STX11: variants seen among roughly 807,000 people sequenced by gnomAD.
STX11 encodes the protein syntaxin-11.
A neutral mutation model predicts 19.9 loss-of-function variants in STX11; 21 were observed. The observed-to-expected ratio is 1.06, with a 90% CI of 0.75 to 1.52. The LOEUF is 1.52. Among genes scored for constraint, STX11 ranks in the 40% most tolerant of loss-of-function variants. The pLI, the probability that STX11 is intolerant of heterozygous loss-of-function variation, is 0.00. For missense variants in STX11, 438 were observed against 405.9 expected (o/e 1.08, Z -0.68); for synonymous variants, 193 against 174.4 (o/e 1.11, Z -0.84).
rs17073503 is a variant in STX11, at chr6:144,188,373, T to C, written c.*882T>C. 24,815 of 228,860 alleles carry C rather than the reference T, an allele frequency of 0.11. 2,329 individuals carry two copies. Among genetic ancestry groups the C allele is most frequent in the East Asian group, 0.28 (3,892 of 13,856 alleles). 14.2% of individuals were successfully genotyped at this position (228,860 alleles called of 1,614,324 possible). A position where few individuals can be genotyped will look rare whatever the true frequency, so the allele number is the denominator to read the frequency against. On this transcript the variant is annotated 3_prime_UTR_variant, in exon 2 of 2. Coordinates refer to ENST00000367568, the MANE Select transcript of STX11 (RefSeq NM_003764.4). The stretch of plus-strand genomic sequence containing the variant: ...ATATAAATTTCAAGACGAACACTTT[T>C]CTGGCTCTTGGTATTGGTTTGCTTG...
At chr6:144,158,304 G>T (rs1486051032) in intron 1 of STX11, among the ~76,000 whole-genome samples, 2 of 152,198 alleles carry the variant, frequency 1.3e-5, no homozygotes, top group Admixed American at 6.5e-5. Flanking sequence ...TCTTGATGTG[G>T]CCAACAGACA....
chr6:144,182,546 G>A lies in STX11; in HGVS notation c.-5-4077G>A, dbSNP rs1024507988. Reference sequence around the variant, plus strand: ...ACCTGATTTATAATTTGCTATCTATGACTTTATGGTTGTTCAATCTTGAGA... The same window carrying A: ...ACCTGATTTATAATTTGCTATCTATAACTTTATGGTTGTTCAATCTTGAGA... On this transcript the variant is annotated intron_variant, in intron 1 of 1. Coordinates refer to ENST00000367568, the MANE Select transcript of STX11 (RefSeq NM_003764.4). The surrounding 1 kb of genome is among the most constrained non-coding windows in gnomAD (Gnocchi z 4.8). Among the ~76,000 whole-genome samples the A allele has an allele frequency of 2.0e-5, 3 of 152,174 alleles. No individual in the cohort carries two copies. Among genetic ancestry groups the A allele is most frequent in the Non-Finnish European group, 2.9e-5 (2 of 68,036 alleles).
At chr6:144,166,418 C>G (rs532224849) in intron 1 of STX11, among the ~76,000 whole-genome samples, 8 of 152,028 alleles carry the variant, frequency 5.3e-5, no homozygotes, top group Admixed American at 3.3e-4. Context: ...CCTTGAGGTT[C>G]TTAAACATGA....
chr6:144,174,568 C>T lies in STX11; in HGVS notation c.-5-12055C>T, dbSNP rs1801729798. ...TGTTTTTGTAGAGCTGGATTTTGCC[C>T]TGTTACCCAGGCTGGTCTTGAACTC... On this transcript the variant is annotated intron_variant, in intron 1 of 1. Transcript: ENST00000367568. This position sits in a 1 kb window ranked among gnomAD's most constrained non-coding sequence, Gnocchi z 5.3. Among the ~76,000 whole-genome samples the T allele has an allele frequency of 6.6e-6, 1 of 151,960 alleles. No individual in the cohort carries two copies. Among genetic ancestry groups the T allele is most frequent in the South Asian group, 2.1e-4 (1 of 4,820 alleles).
chr6:144,160,668 C>T lies in STX11; in HGVS notation c.-6+9965C>T, dbSNP rs1470043040. ...TGCAGGGAGGGAGGGATTAATTCACCATAAAGCAGCACTTACTAGATGTAG... is the reference window on the plus strand; with the variant it reads ...TGCAGGGAGGGAGGGATTAATTCACTATAAAGCAGCACTTACTAGATGTAG... On this transcript the variant is annotated intron_variant, in intron 1 of 1. Coordinates refer to ENST00000367568, the MANE Select transcript of STX11 (RefSeq NM_003764.4). This position sits in a 1 kb window ranked among gnomAD's most constrained non-coding sequence, Gnocchi z 4.3. 6.6e-6 allele frequency among the ~76,000 whole-genome samples: 1 copy of T among 152,064 alleles called. No individual in the cohort carries two copies. Among genetic ancestry groups the T allele is most frequent in the African/African-American group, 2.4e-5 (1 of 41,402 alleles).
chr6:144,157,195 A>T (rs562022964), intron 1 of STX11, among the ~76,000 whole-genome samples: 1 of 152,322 alleles, frequency 6.6e-6, no homozygotes, highest in African/African-American at 2.4e-5. Flanking sequence ...GGGATTGCAC[A>T]GGGGGAGAGA....
At chr6:144,147,893 G>T (rs115055477), upstream of STX11, among the ~76,000 whole-genome samples, 1,600 of 152,192 alleles carry the variant, frequency 0.011, 38 homozygotes, top group African/African-American at 0.036. The surrounding 1 kb of genome is among the most constrained non-coding windows in gnomAD (Gnocchi z 4.2). Flanking sequence ...GCAACAGAGT[G>T]AGCTGCTGTC....
At chr6:144,149,806 T>C (rs776237930), upstream of STX11, among the ~76,000 whole-genome samples, 5 of 152,170 alleles carry the variant, frequency 3.3e-5, no homozygotes, top group East Asian at 1.9e-4. The surrounding 1 kb of genome is among the most constrained non-coding windows in gnomAD (Gnocchi z 5.1). Context: ...ATCACTTCCT[T>C]ACTTTTCAGC....
In STX11 at chr6:144,189,237, G is replaced by A. The variant is rs150644837; in HGVS notation, c.*1746G>A. On this transcript the variant is annotated 3_prime_UTR_variant, in exon 2 of 2. Transcript: ENST00000367568. Reference sequence around the variant, plus strand: ...AGGGTTTGCCATGTGGCCCAGGCTGGTCTCAAACTTGTGAGCTTGAGCAAT... The same window carrying A: ...AGGGTTTGCCATGTGGCCCAGGCTGATCTCAAACTTGTGAGCTTGAGCAAT... Among the ~76,000 whole-genome samples, 4 of 152,100 alleles carry A rather than the reference G, an allele frequency of 2.6e-5. No homozygotes were observed. The highest frequency in any genetic ancestry group is 4.4e-5 in the Non-Finnish European group (3 of 68,022).
At chr6:144,179,060 C>T (rs905070828) in intron 1 of STX11, among the ~76,000 whole-genome samples, 1 of 152,048 alleles carries the variant, frequency 6.6e-6, no homozygotes, top group African/African-American at 2.4e-5. Flanking sequence ...GGAGAACTTA[C>T]AATCATGGTG....
At chr6:144,149,785 C>G (rs1454799718), upstream of STX11, among the ~76,000 whole-genome samples, 2 of 152,186 alleles carry the variant, frequency 1.3e-5, no homozygotes, top group Non-Finnish European at 2.9e-5. The surrounding 1 kb of genome is among the most constrained non-coding windows in gnomAD (Gnocchi z 5.1). Context: ...CCGATTTTTC[C>G]TTTTTTGAGT....
In STX11 at chr6:144,153,264, G is replaced by A. The variant is rs561226071; in HGVS notation, c.-6+2561G>A. On this transcript the variant is annotated intron_variant, in intron 1 of 1. Coordinates refer to ENST00000367568, the MANE Select transcript of STX11 (RefSeq NM_003764.4). This position sits in a 1 kb window ranked among gnomAD's most constrained non-coding sequence, Gnocchi z 5.0. Reference sequence around the variant, plus strand: ...CTTTTTCTATGAGAAAGAAAGGGTCGAGTTTGTCATTCAGCATTGTACTCC... The same window carrying A: ...CTTTTTCTATGAGAAAGAAAGGGTCAAGTTTGTCATTCAGCATTGTACTCC... Among the ~76,000 whole-genome samples the A allele has an allele frequency of 1.3e-5, 2 of 152,264 alleles. No homozygotes were observed. The highest frequency in any genetic ancestry group is 2.1e-4 in the South Asian group (1 of 4,820).
chr6:144,179,024 A>G (rs1470269969), intron 1 of STX11, among the ~76,000 whole-genome samples: 2 of 152,344 alleles, frequency 1.3e-5, no homozygotes, highest in African/African-American at 4.8e-5. Context: ...AAGAGGTTTA[A>G]TGGACTTACA....
Position 144,191,032 on chromosome 6 carries a change from A to G in STX11, c.*3541A>G, listed in dbSNP as rs1011827207. On this transcript the variant is annotated 3_prime_UTR_variant, in exon 2 of 2. Coordinates refer to ENST00000367568, the MANE Select transcript of STX11 (RefSeq NM_003764.4). ...CTTTGGCCAAGAAGACCTTGTGGCA[A>G]TTCTGCAAATTTTATACACTCATAT... Among the ~76,000 whole-genome samples the G allele has an allele frequency of 3.9e-5, 6 of 152,100 alleles. No individual in the cohort carries two copies. The highest frequency in any genetic ancestry group is 2.1e-4 in the South Asian group (1 of 4,816).
chr6:144,150,433 G>C (rs1408515794), upstream of STX11: 16 of 944,454 alleles, frequency 1.7e-5, no homozygotes, highest in Non-Finnish European at 1.9e-5. Context: ...CTGCCGCCGC[G>C]CCCCAGCGCT....
At chr6:144,163,506 C>T (rs1562659291) in intron 1 of STX11, among the ~76,000 whole-genome samples, 2 of 151,886 alleles carry the variant, frequency 1.3e-5, no homozygotes, top group African/African-American at 4.8e-5. Flanking sequence ...GAGACAGAGT[C>T]TTACTCTGTC....
rs765607265 is a variant in STX11 at position 144,187,384 on chromosome 6, G to A, written c.757G>A (p.Val253Ile). ...NVIELNVQKT[V>I]DYTGQAKAQV... ...CATCGAGCTCAACGTACAAAAGACG[G>A]TCGACTACACCGGCCAGGCCAAGGC... Residue 253 changes from valine to isoleucine, a missense_variant, in exon 2 of 2, where the codon GTC becomes ATC. Physicochemically the swap from Val to Ile is conservative, Grantham distance 29. Coordinates refer to ENST00000367568, the MANE Select transcript of STX11 (RefSeq NM_003764.4). This position sits in a 1 kb window ranked among gnomAD's most constrained non-coding sequence, Gnocchi z 5.6. 1.2e-6 allele frequency: 2 copies of A among 1,610,762 alleles called. No individual in the cohort carries two copies. Among genetic ancestry groups the A allele is most frequent in the Non-Finnish European group, 8.5e-7 (1 of 1,179,974 alleles).
chr6:144,147,877 G>C (rs1800904872), upstream of STX11, among the ~76,000 whole-genome samples: 2 of 152,118 alleles, frequency 1.3e-5, no homozygotes, highest in Non-Finnish European at 2.9e-5. This position sits in a 1 kb window ranked among gnomAD's most constrained non-coding sequence, Gnocchi z 4.2. Context: ...CTGCACTGCA[G>C]CTTGGGCAAC....
chr6:144,143,198 T>C, the STX11 span, among the ~76,000 whole-genome samples: 2 of 152,216 alleles, frequency 1.3e-5, no homozygotes, highest in East Asian at 3.8e-4. Context: ...TGGCATACAG[T>C]CTGGTTTCTC....
Sources: allele counts gnomAD v4.1 joint callset (sites outside exome capture counted in the v4.1 genomes callset), GRCh38; gene constraint gnomAD v4.1.1; non-coding constraint Gnocchi (gnomAD v3.1); transcripts MANE v1.5; gene names NCBI Gene and HGNC (gene_info 2026-07-23, HGNC 2026-07-21).